Variants in CELF2 observed in about 807,000 individuals in gnomAD.
CELF2 encodes CUGBP Elav-like family member 2, also known as CUG triplet repeat RNA-binding protein 2.
CELF2 carries 8 observed loss-of-function variants against 62.6 expected under a neutral mutation model. The observed-to-expected ratio is 0.13, with a 90% CI of 0.07 to 0.23. The LOEUF is 0.23. Ranked by LOEUF, CELF2 falls within the 10% of genes least tolerant of loss-of-function variation. The pLI is 1.00. For missense variants in CELF2, 333 were observed against 671.0 expected, an observed-to-expected ratio of 0.50 and a Z score of 5.56; for synonymous variants, 258 against 250.0, an observed-to-expected ratio of 1.03 and a Z score of -0.30.
chr10:10,986,834 G>A (rs754543442), intron 2 of CELF2, among the ~76,000 whole-genome samples: 3 of 152,292 alleles, frequency 2.0e-5, no homozygotes, highest in Admixed American at 1.3e-4. Flanking sequence ...ACAAGGTCAC[G>A]CGTTCTTACC....
At chr10:10,792,867 G>T in the CELF2 span, among the ~76,000 whole-genome samples, 1 of 152,176 alleles carries the variant, frequency 6.6e-6, no homozygotes, top group African/African-American at 2.4e-5. Flanking sequence ...GCAGCTGGCT[G>T]GGTGTGAGTC....
At chr10:10,470,043 A>G in the CELF2 span, among the ~76,000 whole-genome samples, 1 of 151,906 alleles carries the variant, frequency 6.6e-6, no homozygotes. Flanking sequence ...TGGATTTCAG[A>G]TTTTAAGATT....
chr10:10,493,077 A>G, the CELF2 span, among the ~76,000 whole-genome samples: 7 of 152,226 alleles, frequency 4.6e-5, no homozygotes, highest in African/African-American at 1.7e-4. Context: ...GCAGCATGAG[A>G]ACAAACTGAT....
the CELF2 span, among the ~76,000 whole-genome samples, chr10:10,720,641 TAG>T: frequency 6.6e-6 from 1 of 152,120 alleles, no homozygotes; most frequent in South Asian, 2.1e-4. Context: ...GTTAAAAAAA[TAG>T]AGAGAAATTT....
chr10:11,111,629 G>A (rs1426348784), intron 1 of CELF2, among the ~76,000 whole-genome samples: 2 of 152,146 alleles, frequency 1.3e-5, no homozygotes, highest in Non-Finnish European at 2.9e-5. Flanking sequence ...TGATATGAAG[G>A]CAGTCTCTCT....
chr10:10,658,177 C>T, the CELF2 span, among the ~76,000 whole-genome samples: 1 of 152,018 alleles, frequency 6.6e-6, no homozygotes, highest in Non-Finnish European at 1.5e-5. Flanking sequence ...AATATTGAGT[C>T]TCAAAAAAAA....
intron 1 of CELF2, among the ~76,000 whole-genome samples, chr10:11,111,581 GC>G (rs1368052678): frequency 6.6e-6 from 1 of 152,076 alleles, no homozygotes; most frequent in Non-Finnish European, 1.5e-5. Context: ...AACTGTTGTT[GC>G]TTATGGATTG....
intron 1 of CELF2, among the ~76,000 whole-genome samples, chr10:11,108,772 C>T (rs12784864): frequency 0.17 from 26,510 of 152,188 alleles, 2,529 homozygotes; most frequent in Non-Finnish European, 0.22. Context: ...TTTTCATTTA[C>T]GTTTCTCTGA....
the CELF2 span, among the ~76,000 whole-genome samples, chr10:10,581,000 G>T: frequency 8.7e-4 from 133 of 152,224 alleles, no homozygotes; most frequent in African/African-American, 3.2e-3. Flanking sequence ...AGATCTATTT[G>T]GATCACAATT....
At chr10:11,250,012 G>C (rs2137343415) in intron 4 of CELF2, among the ~76,000 whole-genome samples, 1 of 152,314 alleles carries the variant, frequency 6.6e-6, no homozygotes, top group Non-Finnish European at 1.5e-5. Context: ...TCATTAATTA[G>C]TAATCAGGGC....
intron 1 of CELF2, among the ~76,000 whole-genome samples, chr10:11,026,768 C>T (rs772979851): frequency 1.8e-4 from 28 of 152,190 alleles, no homozygotes; most frequent in Non-Finnish European, 3.7e-4. Flanking sequence ...GGGCCACAGC[C>T]GTCTGGGACT....
At chr10:10,991,505 C>G (rs895593292) in intron 2 of CELF2, among the ~76,000 whole-genome samples, 1 of 152,194 alleles carries the variant, frequency 6.6e-6, no homozygotes, top group Non-Finnish European at 1.5e-5. Flanking sequence ...CTGTCCCCAA[C>G]AAATCCACCA....
the CELF2 span, among the ~76,000 whole-genome samples, chr10:10,501,241 G>A: frequency 6.6e-6 from 1 of 152,166 alleles, no homozygotes; most frequent in African/African-American, 2.4e-5. Context: ...GAGTAATCAA[G>A]TTTCTTTGAA....
chr10:10,605,857 T>C, the CELF2 span, among the ~76,000 whole-genome samples: 1 of 152,120 alleles, frequency 6.6e-6, no homozygotes, highest in Non-Finnish European at 1.5e-5. Context: ...AGAAAGCAAA[T>C]ACAATGAGTT....
the CELF2 span, among the ~76,000 whole-genome samples, chr10:10,660,427 C>T: frequency 6.6e-6 from 1 of 152,214 alleles, no homozygotes. Context: ...CATGCCATCT[C>T]TGTGGCTTAC....
At chr10:11,124,811 A>G (rs920943326) in intron 1 of CELF2, among the ~76,000 whole-genome samples, 1 of 152,218 alleles carries the variant, frequency 6.6e-6, no homozygotes, top group Non-Finnish European at 1.5e-5. Flanking sequence ...CATATTCATA[A>G]ATTCTTCTGA....
intron 1 of CELF2, among the ~76,000 whole-genome samples, chr10:10,892,762 G>C (rs1246620963): frequency 6.6e-6 from 1 of 152,140 alleles, no homozygotes; most frequent in Admixed American, 6.6e-5. Context: ...TGCCAGCCTT[G>C]CTCCTACGTT....
chr10:10,475,529 A>T, the CELF2 span, among the ~76,000 whole-genome samples: 169 of 152,162 alleles, frequency 1.1e-3, no homozygotes, highest in African/African-American at 4.0e-3. Flanking sequence ...TCAGGGTAGC[A>T]TCATTATTTG....
chr10:10,917,594 G>T (rs2134586949), intron 1 of CELF2, among the ~76,000 whole-genome samples: 2 of 152,320 alleles, frequency 1.3e-5, no homozygotes, highest in Middle Eastern at 6.8e-3. Context: ...TCCTGCCTCA[G>T]CCTCCCAAAG....
Sources: allele counts gnomAD v4.1 joint callset (sites outside exome capture counted in the v4.1 genomes callset), GRCh38; gene constraint gnomAD v4.1.1; transcripts MANE v1.5; gene names NCBI Gene and HGNC (gene_info 2026-07-23, HGNC 2026-07-21).